Variants in COX20 observed in about 807,000 individuals in gnomAD.
COX20 encodes cytochrome c oxidase assembly protein COX20, mitochondrial.
Under a neutral mutation model 14.3 loss-of-function variants are expected in COX20, and 14 were observed. The observed-to-expected ratio is 0.98, with a 90% CI of 0.65 to 1.53. The LOEUF is 1.53. COX20 is among the 40% of genes most tolerant of loss of function. The pLI, the probability that COX20 is intolerant of heterozygous loss-of-function variation, is 0.00. For synonymous variants in COX20, 56 were observed against 51.7 expected, an observed-to-expected ratio of 1.08 and a Z score of -0.36; for missense variants, 149 against 142.1, an observed-to-expected ratio of 1.05 and a Z score of -0.25.
intron 1 of COX20, chr1:244,840,722 A>T (rs1680167555): frequency 6.6e-6 from 1 of 152,240 alleles, no homozygotes; most frequent in South Asian, 2.1e-4. Flanking sequence ...AAAAGCAAAC[A>T]TAGGCAGAAA....
rs1553279516 is a variant in COX20, at chr1:244,841,938, T to C, written c.43-6T>C. 6.4e-7 allele frequency: 1 copy of C among 1,559,534 alleles called. No individual in the cohort carries two copies. Among genetic ancestry groups the C allele is most frequent in the Non-Finnish European group, 8.8e-7 (1 of 1,138,498 alleles). ...ACTCAATCTAGGTTCTTTTTTTTCA[T>C]TCTAGTCCCTTAAGCTCCTAGGATT... On this transcript the variant is annotated splice_polypyrimidine_tract_variant and splice_region_variant and intron_variant, in intron 1 of 3. Coordinates refer to ENST00000411948, the MANE Select transcript of COX20 (RefSeq NM_198076.6).
intron 1 of COX20, 142 bp from the exon 2 acceptor site, chr1:244,841,802 G>A: frequency 1.7e-6 from 1 of 587,736 alleles, no homozygotes; most frequent in Non-Finnish European, 3.1e-6. Context: ...GACAACGCAA[G>A]CTGATTTAGG....
chr1:244,843,329 C>A lies in COX20; in HGVS notation c.*153C>A, dbSNP rs889038831. ...TGGAATGAAAACTTGCCAGTTTATT[C>A]TGGCCCTGTGTCTACTGCCAGGATA... On this transcript the variant is annotated 3_prime_UTR_variant, in exon 4 of 4. Transcript: ENST00000411948. The A allele has an allele frequency of 2.5e-6, 2 of 805,336 alleles. No individual in the cohort carries two copies. Among genetic ancestry groups the A allele is most frequent in the Non-Finnish European group, 1.9e-6 (1 of 517,544 alleles). The allele number at this position is 805,336 out of a possible 1,614,324, so 49.9% of individuals were successfully genotyped here. A position where few individuals can be genotyped will look rare whatever the true frequency, so the allele number is the denominator to read the frequency against.
In COX20 at chr1:244,835,740, A is replaced by T; in HGVS notation, c.26A>T (p.Glu9Val). Residue 9 changes from glutamate to valine, a missense_variant, in exon 1 of 4, where the codon GAG becomes GTG. Transcript: ENST00000411948. ...ATGGCCGCCCCGCCGGAGCCCGGTG[A>T]GCCCGAGGAGAGGAAGGTAACCTGG... MAAPPEPG[E>V]PEERKSLKLL... The T allele has an allele frequency of 7.9e-7, 1 of 1,271,612 alleles. No individual in the cohort carries two copies. Among genetic ancestry groups the T allele is most frequent in the Non-Finnish European group, 9.9e-7 (1 of 1,005,174 alleles). 78.8% of individuals were successfully genotyped at this position (1,271,612 alleles called of 1,614,324 possible). A position where few individuals can be genotyped will look rare whatever the true frequency, so the allele number is the denominator to read the frequency against.
chr1:244,840,685 G>C (rs1573313565), intron 1 of COX20: 1 of 152,192 alleles, frequency 6.6e-6, no homozygotes. Context: ...GTCACATTTT[G>C]TCTCTTCCAA....
In COX20 at chr1:244,844,573, C is replaced by A. The variant is rs1680347684; in HGVS notation, c.*1397C>A. 6.6e-6 allele frequency: 1 copy of A among 152,218 alleles called. No homozygotes were observed. Among genetic ancestry groups the A allele is most frequent in the African/African-American group, 2.4e-5 (1 of 41,434 alleles). 9.4% of individuals were successfully genotyped at this position (152,218 alleles called of 1,614,324 possible). ...AGGAGTTTGAGACCAGCCTGGCCAA[C>A]AGGGTGAAACCCTGTCTCGTCTAAA... On this transcript the variant is annotated 3_prime_UTR_variant, in exon 4 of 4. Coordinates refer to ENST00000411948, the MANE Select transcript of COX20 (RefSeq NM_198076.6).
intron 1 of COX20, chr1:244,836,588 C>A: frequency 1.5e-6 from 2 of 1,348,178 alleles, no homozygotes; most frequent in Non-Finnish European, 2.1e-6. Flanking sequence ...TAATTTATAT[C>A]CTCAGGGCAG....
rs1680215531 is a variant in COX20, at chr1:244,841,924, G to T, written c.43-20G>T. 2 of 1,427,064 alleles carry T rather than the reference G, an allele frequency of 1.4e-6. No individual in the cohort carries two copies. The allele number at this position is 1,427,064 out of a possible 1,614,324, so 88.4% of individuals were successfully genotyped here. A position where few individuals can be genotyped will look rare whatever the true frequency, so the allele number is the denominator to read the frequency against. On this transcript the variant is annotated intron_variant, in intron 1 of 3. Transcript: ENST00000411948. ...TGAAATACTTTCTTACTCAATCTAG[G>T]TTCTTTTTTTTCATTCTAGTCCCTT...
In COX20 at chr1:244,844,472, A is replaced by T. The variant is rs543275294; in HGVS notation, c.*1296A>T. ...TTAGTCGTAACCAAATAGTTAAAAA[A>T]TTCTGCTGGGCACGGTGGCTCATAC... On this transcript the variant is annotated 3_prime_UTR_variant, in exon 4 of 4. Coordinates refer to ENST00000411948, the MANE Select transcript of COX20 (RefSeq NM_198076.6). The T allele has an allele frequency of 6.6e-6, 1 of 152,368 alleles. No individual in the cohort carries two copies. Among genetic ancestry groups the T allele is most frequent in the Non-Finnish European group, 1.5e-5 (1 of 68,046 alleles). The allele number at this position is 152,368 out of a possible 1,614,324, so 9.4% of individuals were successfully genotyped here.
Position 244,835,729 on chromosome 1 carries a change from GGAGCCCGGT to G in COX20, c.23_31del (p.Gly8_Pro10del). 1 of 1,270,574 alleles carries G rather than the reference GGAGCCCGGT, an allele frequency of 7.9e-7. No individual in the cohort carries two copies. Among genetic ancestry groups the G allele is most frequent in the East Asian group, 3.1e-5 (1 of 32,058 alleles). 78.7% of individuals were successfully genotyped at this position (1,270,574 alleles called of 1,614,324 possible). A position where few individuals can be genotyped will look rare whatever the true frequency, so the allele number is the denominator to read the frequency against. On this transcript the variant is annotated inframe_deletion, in exon 1 of 4. Coordinates refer to ENST00000411948, the MANE Select transcript of COX20 (RefSeq NM_198076.6). ...GAGTAGTCCTCATGGCCGCCCCGCC[GGAGCCCGGT>G]GAGCCCGAGGAGAGGAAGGTAACCT...
chr1:244,844,822 T>C lies in COX20; in HGVS notation c.*1646T>C, dbSNP rs1573320611. The C allele has an allele frequency of 6.6e-6, 1 of 151,990 alleles. No individual in the cohort carries two copies. Among genetic ancestry groups the C allele is most frequent in the Non-Finnish European group, 1.5e-5 (1 of 68,006 alleles). The allele number at this position is 151,990 out of a possible 1,614,324, so 9.4% of individuals were successfully genotyped here. On this transcript the variant is annotated 3_prime_UTR_variant, in exon 4 of 4. Coordinates refer to ENST00000411948, the MANE Select transcript of COX20 (RefSeq NM_198076.6). ...CCATGTTTTCAGAGGCCGCACTGCA[T>C]GAATGCGGGAAAATGTTGATGATCA...
At chr1:244,842,399 T>A (rs909113441) in intron 3 of COX20, 141 bp downstream of exon 3, 18 of 689,542 alleles carry the variant, frequency 2.6e-5, no homozygotes, top group Non-Finnish European at 7.8e-6. Flanking sequence ...GACATTTTCA[T>A]GGAAATCTTA....
intron 1 of COX20, chr1:244,841,629 AACTC>A (rs1472091306): frequency 4.7e-6 from 1 of 211,570 alleles, no homozygotes; most frequent in African/African-American, 2.3e-5. Context: ...TTCCCAAATA[AACTC>A]ATTTAAAGAG....
chr1:244,836,622 T>A (rs144651572), intron 1 of COX20: 2 of 1,078,500 alleles, frequency 1.9e-6, no homozygotes, highest in Admixed American at 5.0e-5. Flanking sequence ...AAAAGAATAA[T>A]GCAAGAGGAA....
At chr1:244,835,786 G>A in intron 1 of COX20, 30 bp downstream of exon 1, 1 of 1,247,736 alleles carries the variant, frequency 8.0e-7, no homozygotes, top group East Asian at 3.1e-5. Flanking sequence ...GGCGCGCGCC[G>A]CGGGTGGGCG....
rs1275577493 is a variant in COX20 at position 244,844,224 on chromosome 1, G to A, written c.*1048G>A. ...TAAAGAAAAGTGGAGCTTGCCTCCA[G>A]TTCAATTCACAAGAGCATTTTCCCT... On this transcript the variant is annotated 3_prime_UTR_variant, in exon 4 of 4. Coordinates refer to ENST00000411948, the MANE Select transcript of COX20 (RefSeq NM_198076.6). The A allele has an allele frequency of 1.3e-5, 2 of 152,202 alleles. No individual in the cohort carries two copies. The highest frequency in any genetic ancestry group is 1.3e-4 in the Admixed American group (2 of 15,268). 9.4% of individuals were successfully genotyped at this position (152,202 alleles called of 1,614,324 possible).
rs1227651240 is a variant in COX20, at chr1:244,842,065, A to G, written c.157+7A>G. 6.3e-7 allele frequency: 1 copy of G among 1,583,740 alleles called. No individual in the cohort carries two copies. The highest frequency in any genetic ancestry group is 2.2e-5 in the East Asian group (1 of 44,692). ...GGACATTTTTTGTTCACTAGTGAGT[A>G]TCTGTATTTTTTATTTCTCTATGTA... On this transcript the variant is annotated splice_region_variant and intron_variant, in intron 2 of 3. Coordinates refer to ENST00000411948, the MANE Select transcript of COX20 (RefSeq NM_198076.6).
chr1:244,839,117 G>GA (rs1192812121), intron 1 of COX20, among the ~76,000 whole-genome samples: 2 of 151,448 alleles, frequency 1.3e-5, no homozygotes, highest in Non-Finnish European at 2.9e-5. Context: ...TATTGCAAGT[G>GA]AAAAAACTAA....
intron 1 of COX20, chr1:244,839,975 TC>T (rs1680129728): frequency 6.6e-6 from 1 of 152,114 alleles, no homozygotes. Context: ...AATACCTACC[TC>T]CCCCACCAGC....
Sources: gnomAD v4.1 joint callset for allele counts (sites outside exome capture counted in the v4.1 genomes callset) on GRCh38, gnomAD v4.1.1 for gene constraint, MANE v1.5 for transcripts, NCBI Gene and HGNC (gene_info 2026-07-23, HGNC 2026-07-21) for gene names.